The following OTOF variants were observed in gnomAD, a reference collection of about 807,000 sequenced individuals.
OTOF encodes fer-1-like family member 2.
OTOF carries 218 observed loss-of-function variants against 236.8 expected under a neutral mutation model. That is an observed-to-expected ratio of 0.92 (90% CI 0.82 to 1.03). The LOEUF (loss-of-function observed/expected upper bound fraction) is 1.03, where lower values mean the gene tolerates loss of function less well. OTOF is among the 50% of genes least tolerant of loss of function. OTOF has a pLI of 0.00. For missense variants in OTOF, 2,590 were observed against 2,694.4 expected, an observed-to-expected ratio of 0.96 and a Z score of 0.86; for synonymous variants, 1,041 against 1,072.5, an observed-to-expected ratio of 0.97 and a Z score of 0.57.
Position 26,480,827 on chromosome 2 carries a change from A to T in OTOF, c.1762T>A (p.Ser588Thr). Reference protein sequence around the residue: ...VDTSNPELTSSTEVQVEQATP... With the variant: ...VDTSNPELTSTTEVQVEQATP... ...GCCTGCTCCACCTGCACCTCTGTGG[A>T]GCTGGTGAGCTCAGGGTTGGAGGTG... The change falls in exon 15 of 47, where the codon TCC becomes ACC. Residue 588 changes from serine to threonine, a missense_variant. Physicochemically the swap from Ser to Thr is moderately conservative, Grantham distance 58 (BLOSUM62 1). Transcript: ENST00000272371. 1.2e-6 allele frequency: 2 copies of T among 1,612,494 alleles called. No homozygotes were observed. Among genetic ancestry groups the T allele is most frequent in the Non-Finnish European group, 1.7e-6 (2 of 1,179,894 alleles).
At chr2:26,527,134 A>G (rs1490426821) in intron 3 of OTOF, among the ~76,000 whole-genome samples, 2 of 152,176 alleles carry the variant, frequency 1.3e-5, no homozygotes, top group African/African-American at 2.4e-5. Context: ...GGTGTACTTC[A>G]CTTGTGGAGT....
At chr2:26,464,524 A>T (rs1342410955) in intron 39 of OTOF, among the ~76,000 whole-genome samples, 1 of 152,124 alleles carries the variant, frequency 6.6e-6, no homozygotes, top group Non-Finnish European at 1.5e-5. Context: ...ACCTGGGCCG[A>T]TGCCCTCGCT....
chr2:26,540,784 G>A (rs919945690), intron 1 of OTOF, among the ~76,000 whole-genome samples: 2 of 151,942 alleles, frequency 1.3e-5, no homozygotes, highest in African/African-American at 4.8e-5. Flanking sequence ...GAGATAAGGA[G>A]GAAAAAACCA....
intron 5 of OTOF, among the ~76,000 whole-genome samples, chr2:26,514,296 G>A (rs1209966343): frequency 6.6e-6 from 1 of 152,254 alleles, no homozygotes; most frequent in African/African-American, 2.4e-5. Context: ...TTCCCAGTCC[G>A]GGGTGAAGCC....
At chr2:26,536,172 C>T (rs1572487249) in intron 2 of OTOF, among the ~76,000 whole-genome samples, 1 of 152,116 alleles carries the variant, frequency 6.6e-6, no homozygotes, top group Non-Finnish European at 1.5e-5. Flanking sequence ...TGGGGCAAGC[C>T]TGAAGCATCT....
At chr2:26,537,614 G>A in intron 2 of OTOF, 102 bp downstream of exon 2, 1 of 869,692 alleles carries the variant, frequency 1.1e-6, no homozygotes, top group Non-Finnish European at 1.9e-6. Context: ...GCAGGCCAGT[G>A]CCTGGGATTT....
intron 2 of OTOF, among the ~76,000 whole-genome samples, chr2:26,529,125 C>T (rs1302728134): frequency 6.6e-6 from 1 of 152,094 alleles, no homozygotes; most frequent in Non-Finnish European, 1.5e-5. Context: ...ACATCCTGAG[C>T]CACAAGCATG....
At chr2:26,496,402 T>G (rs1665987201) in intron 8 of OTOF, among the ~76,000 whole-genome samples, 1 of 148,784 alleles carries the variant, frequency 6.7e-6, no homozygotes, top group African/African-American at 2.6e-5. Flanking sequence ...GCCCGGCTAA[T>G]TTTTGTATTT....
chr2:26,522,321 A>G (rs1012094088), intron 3 of OTOF, among the ~76,000 whole-genome samples: 6 of 147,038 alleles, frequency 4.1e-5, no homozygotes, highest in Admixed American at 6.7e-5. Flanking sequence ...GGTCTGTAAC[A>G]TACCATTTAA....
At chr2:26,492,992 A>G (rs1161687676) in intron 9 of OTOF, among the ~76,000 whole-genome samples, 1 of 152,158 alleles carries the variant, frequency 6.6e-6, no homozygotes, top group Non-Finnish European at 1.5e-5. Context: ...AAGTTAGCAG[A>G]AGTGGCTTCA....
chr2:26,552,223 C>T (rs1033062499), intron 1 of OTOF, among the ~76,000 whole-genome samples: 47 of 152,176 alleles, frequency 3.1e-4, no homozygotes, highest in African/African-American at 1.1e-3. Flanking sequence ...AACCCCATCT[C>T]TACTAAAAAT....
intron 14 of OTOF, among the ~76,000 whole-genome samples, chr2:26,481,248 C>G (rs1346951068): frequency 6.6e-6 from 1 of 152,194 alleles, no homozygotes; most frequent in Non-Finnish European, 1.5e-5. Context: ...AGTCTAGCTC[C>G]CTGCTTCCTG....
At chr2:26,496,015 G>A (rs974569970) in intron 8 of OTOF, among the ~76,000 whole-genome samples, 2 of 152,076 alleles carry the variant, frequency 1.3e-5, no homozygotes, top group Non-Finnish European at 2.9e-5. Context: ...CGGCTTTGGT[G>A]CCTGCCTGAG....
intron 5 of OTOF, among the ~76,000 whole-genome samples, chr2:26,507,038 A>T (rs1363862368): frequency 6.6e-6 from 1 of 152,054 alleles, no homozygotes; most frequent in Non-Finnish European, 1.5e-5. Flanking sequence ...TCTCTACTAC[A>T]CCTTGAAGCA....
At chr2:26,558,423 G>A (rs914683724) in intron 1 of OTOF, 70 bp downstream of exon 1, 10 of 1,388,372 alleles carry the variant, frequency 7.2e-6, no homozygotes, top group Admixed American at 6.7e-5. Flanking sequence ...TCCTATCCCC[G>A]GCCACCTCCA....
intron 3 of OTOF, among the ~76,000 whole-genome samples, chr2:26,521,762 C>A (rs1203266485): frequency 1.3e-5 from 2 of 152,188 alleles, no homozygotes; most frequent in Non-Finnish European, 2.9e-5. Context: ...GGAGCCTGGG[C>A]TCTGGAGTCA....
chr2:26,487,397 G>T (rs767874402), intron 11 of OTOF, among the ~76,000 whole-genome samples: 3 of 152,172 alleles, frequency 2.0e-5, no homozygotes, highest in Non-Finnish European at 4.4e-5. Context: ...CAAATCTCGA[G>T]CTAGGTTACC....
rs749458515 is a variant in OTOF, at chr2:26,473,171, G to A, written c.3694C>T (p.Arg1232Trp). 80 of 1,612,852 alleles carry A rather than the reference G, an allele frequency of 5.0e-5. No individual in the cohort carries two copies. The highest frequency in any genetic ancestry group is 8.9e-5 in the East Asian group (4 of 44,886). The part of the protein sequence containing the change: ...AVSSLRRFIY[R>W]PPDRSAPSWN... ...CTGGGGGCCGAGCGGTCTGGGGGCCGGTAGATGAAGCGTCGCAGGGAGCTG... is the reference window on the plus strand; with the variant it reads ...CTGGGGGCCGAGCGGTCTGGGGGCCAGTAGATGAAGCGTCGCAGGGAGCTG... The change falls in exon 29 of 47, where the codon CGG (arginine) becomes TGG (tryptophan). Residue 1232 changes from arginine (R) to tryptophan (W), a missense_variant. Physicochemically the swap from Arg to Trp is moderately radical, Grantham distance 101. Transcript: ENST00000272371. The surrounding 1 kb of genome is among the most constrained non-coding windows in gnomAD (Gnocchi z 7.2).
At chr2:26,490,802 C>A (rs1040142160) in intron 9 of OTOF, among the ~76,000 whole-genome samples, 2 of 152,124 alleles carry the variant, frequency 1.3e-5, no homozygotes, top group Non-Finnish European at 1.5e-5. Flanking sequence ...ACTTGGGGGG[C>A]TTCAAGGTGT....
Sources: allele counts gnomAD v4.1 joint callset (sites outside exome capture counted in the v4.1 genomes callset), GRCh38; gene constraint gnomAD v4.1.1; non-coding constraint Gnocchi (gnomAD v3.1); transcripts MANE v1.5; gene names NCBI Gene and HGNC (gene_info 2026-07-23, HGNC 2026-07-21).